Variants in CSMD3 observed in about 807,000 individuals in gnomAD.
The protein encoded by CSMD3 is CUB and sushi domain-containing protein 3.
In CSMD3, 177 loss-of-function variants were observed where a neutral mutation model predicts 435.2. The ratio of observed to expected loss-of-function variants is 0.41; its 90% CI spans 0.36 to 0.46. CSMD3 has a LOEUF of 0.46. CSMD3 is among the 20% of genes least tolerant of loss of function. The probability of loss-of-function intolerance (pLI) is 0.34; values close to 1 mark genes in which losing one functional copy is unlikely to be tolerated. For missense variants in CSMD3, 4,265 were observed against 4,504.6 expected, an observed-to-expected ratio of 0.95 and a Z score of 1.52; for synonymous variants, 1,656 against 1,520.5, an observed-to-expected ratio of 1.09 and a Z score of -2.07.
chr8:112,491,673 C>A (rs768550225), intron 31 of CSMD3, among the ~76,000 whole-genome samples: 1 of 152,030 alleles, frequency 6.6e-6, no homozygotes, highest in African/African-American at 2.4e-5. Context: ...AAAGTACTCT[C>A]TCTATGTTCC....
At chr8:112,920,622 T>G (rs972131066) in intron 10 of CSMD3, among the ~76,000 whole-genome samples, 81 of 151,854 alleles carry the variant, frequency 5.3e-4, no homozygotes, top group African/African-American at 1.9e-3. Flanking sequence ...TGTTAGTTTT[T>G]TTAGTATTTA....
chr8:112,665,486 T>A (rs1041523172), intron 17 of CSMD3, among the ~76,000 whole-genome samples: 4 of 152,150 alleles, frequency 2.6e-5, no homozygotes, highest in African/African-American at 9.6e-5. Context: ...GAAAGAATCA[T>A]GTTAGGTTTG....
chr8:113,079,292 G>A (rs954589470), intron 5 of CSMD3, among the ~76,000 whole-genome samples: 21 of 152,102 alleles, frequency 1.4e-4, no homozygotes, highest in African/African-American at 5.1e-4. Flanking sequence ...CAAATTCTAA[G>A]ATTGGCAAAT....
In CSMD3 at chr8:113,436,658, A is replaced by C. The variant is rs746142840; in HGVS notation, c.178+19T>G. 1 of 1,613,312 alleles carries C rather than the reference A, an allele frequency of 6.2e-7. No homozygotes were observed. The highest frequency in any genetic ancestry group is 8.5e-7 in the Non-Finnish European group (1 of 1,179,402). On this transcript the variant is annotated intron_variant, in intron 1 of 70. Coordinates refer to ENST00000297405, the MANE Select transcript of CSMD3 (RefSeq NM_198123.2). Reference sequence around the variant, plus strand: ...CCCACCTCCATCCAAAGCGGAGGGGACCCCCAAAGCAGACCTACCTTTCAC... The same window carrying C: ...CCCACCTCCATCCAAAGCGGAGGGGCCCCCCAAAGCAGACCTACCTTTCAC...
intron 40 of CSMD3, among the ~76,000 whole-genome samples, chr8:112,346,756 G>A (rs1439946004): frequency 7.7e-6 from 1 of 129,778 alleles, no homozygotes; most frequent in Non-Finnish European, 1.5e-5. Context: ...TCGGCTCACT[G>A]CAAGCTCCGC....
intron 12 of CSMD3, among the ~76,000 whole-genome samples, chr8:112,808,986 C>G (rs1211422511): frequency 6.6e-6 from 1 of 152,064 alleles, no homozygotes. Context: ...TGAGATTAGG[C>G]AATATACTGG....
At chr8:113,201,636 G>A (rs980452195) in intron 3 of CSMD3, among the ~76,000 whole-genome samples, 1 of 151,900 alleles carries the variant, frequency 6.6e-6, no homozygotes, top group African/African-American at 2.4e-5. Flanking sequence ...ATGTTTTAAA[G>A]GTAGCCCTGC....
rs1328532627 is a variant in CSMD3, at chr8:112,293,024, C to T, written c.8615-314G>A. Among the ~76,000 whole-genome samples, 3 of 151,824 alleles carry T rather than the reference C, an allele frequency of 2.0e-5. No homozygotes were observed. The East Asian group carries it at 5.8e-4, about 29-fold the overall frequency. ...CTTTCTCTCTACTTTATTGGGGAGG[C>T]AAAGAGCAGAGTATTGAAATGCAAA... On this transcript the variant is annotated intron_variant, in intron 54 of 70. Transcript: ENST00000297405.
chr8:113,096,024 T>C (rs1168976778), intron 5 of CSMD3, among the ~76,000 whole-genome samples: 1 of 152,168 alleles, frequency 6.6e-6, no homozygotes, highest in East Asian at 1.9e-4. Flanking sequence ...AACTCAGGTA[T>C]TAGTTTCTTT....
intron 5 of CSMD3, among the ~76,000 whole-genome samples, chr8:113,021,420 T>A (rs2131184147): frequency 6.6e-6 from 1 of 152,364 alleles, no homozygotes; most frequent in Non-Finnish European, 1.5e-5. Context: ...TTTTGTTCAA[T>A]TCCCTATTTC....
At chr8:113,339,966 A>G (rs1271573551) in intron 1 of CSMD3, among the ~76,000 whole-genome samples, 1 of 152,032 alleles carries the variant, frequency 6.6e-6, no homozygotes, top group Admixed American at 6.6e-5. Flanking sequence ...AATTATTAAA[A>G]TACTATAATC....
intron 18 of CSMD3, among the ~76,000 whole-genome samples, chr8:112,654,407 C>T (rs1210272932): frequency 6.6e-6 from 1 of 152,136 alleles, no homozygotes; most frequent in Admixed American, 6.5e-5. Context: ...AAGGTGATTT[C>T]TTAAAGACAA....
intron 21 of CSMD3, 79 bp downstream of exon 21, chr8:112,638,617 T>C: frequency 2.4e-6 from 2 of 841,788 alleles, no homozygotes; most frequent in Non-Finnish European, 3.9e-6. Flanking sequence ...CACTGTTTTA[T>C]CATCAGTTAT....
intron 1 of CSMD3, chr8:113,376,832 G>C: frequency 6.2e-7 from 1 of 1,613,032 alleles, no homozygotes; most frequent in Non-Finnish European, 8.5e-7. Flanking sequence ...TTTATGAGTC[G>C]CAACAACCGG....
At chr8:112,921,307 C>T (rs748907102) in intron 10 of CSMD3, among the ~76,000 whole-genome samples, 2 of 151,840 alleles carry the variant, frequency 1.3e-5, no homozygotes, top group Non-Finnish European at 2.9e-5. Context: ...GAAGAAATTA[C>T]GGCTTTAAAA....
chr8:112,698,860 A>G (rs1008941560), intron 13 of CSMD3, among the ~76,000 whole-genome samples: 2 of 152,130 alleles, frequency 1.3e-5, no homozygotes, highest in African/African-American at 4.8e-5. Context: ...AGGATTGTAA[A>G]TGCACCAATC....
chr8:113,200,611 A>G lies in CSMD3; in HGVS notation c.515-26695T>C, dbSNP rs909141866. ...TTTATTTATTTATTATTTTTATTAT[A>G]CTTTAAGTTCTGGGTTACACGTGCA... On this transcript the variant is annotated intron_variant, in intron 3 of 70. Transcript: ENST00000297405. Among the ~76,000 whole-genome samples the G allele has an allele frequency of 2.0e-5, 3 of 151,438 alleles. No homozygotes were observed. The South Asian group carries it at 6.3e-4, about 32-fold the overall frequency.
chr8:112,886,056 T>C (rs2081579535), intron 10 of CSMD3, among the ~76,000 whole-genome samples: 1 of 151,732 alleles, frequency 6.6e-6, no homozygotes, highest in South Asian at 2.1e-4. Flanking sequence ...TATTACCCAA[T>C]CCGAAAGATG....
intron 3 of CSMD3, among the ~76,000 whole-genome samples, chr8:113,231,935 AT>A (rs889167420): frequency 9.9e-5 from 15 of 151,578 alleles, no homozygotes; most frequent in Non-Finnish European, 1.9e-4. Flanking sequence ...ATTAGAAGTA[AT>A]TTTTTCCCCA....
Sources: allele counts gnomAD v4.1 joint callset (sites outside exome capture counted in the v4.1 genomes callset), GRCh38; gene constraint gnomAD v4.1.1; transcripts MANE v1.5; gene names NCBI Gene and HGNC (gene_info 2026-07-23, HGNC 2026-07-21).